SEC24D: variants seen among roughly 807,000 people sequenced by gnomAD.
SEC24D encodes the protein protein transport protein Sec24D.
SEC24D carries 69 observed loss-of-function variants against 116.9 expected under a neutral mutation model. That is an observed-to-expected ratio of 0.59 (90% CI 0.49 to 0.72). The LOEUF is 0.72. SEC24D is among the 30% of genes least tolerant of loss of function. The pLI is 0.00. For synonymous variants in SEC24D, 405 were observed against 442.8 expected (o/e 0.91, Z 1.07); for missense variants, 1,131 against 1,264.1 (o/e 0.89, Z 1.60).
In SEC24D at chr4:118,833,650, TGAGGCTGAGAATACG is replaced by T. The variant is rs1389373376; in HGVS notation, c.32_46del (p.Pro11_Pro15del). 1 of 1,614,022 alleles carries T rather than the reference TGAGGCTGAGAATACG, an allele frequency of 6.2e-7. No individual in the cohort carries two copies. Among genetic ancestry groups the T allele is most frequent in the Non-Finnish European group, 8.5e-7 (1 of 1,180,004 alleles). On this transcript the variant is annotated inframe_deletion, in exon 2 of 23. Coordinates refer to ENST00000280551, the MANE Select transcript of SEC24D (RefSeq NM_014822.4). Reference sequence around the variant, plus strand: ...AGGTGGAGAAAGGCCTATTCCAGGCTGAGGCTGAGAATACGGAGGTGTAGCCACGTAACCTTGTTG... The same window carrying T: ...AGGTGGAGAAAGGCCTATTCCAGGCTGAGGTGTAGCCACGTAACCTTGTTG...
chr4:118,793,912 CAG>C (rs955148678), intron 8 of SEC24D, among the ~76,000 whole-genome samples: 33 of 152,130 alleles, frequency 2.2e-4, no homozygotes, highest in African/African-American at 8.0e-4. Context: ...AGTCAGTATT[CAG>C]AGTCTCCAAC....
At position 118,752,901 on chromosome 4, in the gene SEC24D, A is replaced by AG; in HGVS notation, c.1422-14_1422-13insC. On this transcript the variant is annotated splice_polypyrimidine_tract_variant and intron_variant, in intron 11 of 22. Coordinates refer to ENST00000280551, the MANE Select transcript of SEC24D (RefSeq NM_014822.4). ...TTCTTGCTCTTCCCTGTAAGGAAAA[A>AG]AAAAAGTGTTTGAGATGCTTTATAA... 3.9e-6 allele frequency: 6 copies of AG among 1,540,626 alleles called. No individual in the cohort carries two copies. Among genetic ancestry groups the AG allele is most frequent in the Non-Finnish European group, 5.2e-6 (6 of 1,150,602 alleles).
chr4:118,829,354 A>C (rs768873151), intron 2 of SEC24D, among the ~76,000 whole-genome samples: 3 of 152,064 alleles, frequency 2.0e-5, no homozygotes, highest in Non-Finnish European at 2.9e-5. Flanking sequence ...CTCTACAAAA[A>C]ATTTTAAAAT....
At chr4:118,754,260 ACACT>A (rs1313280429) in intron 11 of SEC24D, 1 of 152,152 alleles carries the variant, frequency 6.6e-6, no homozygotes, top group Non-Finnish European at 1.5e-5. Context: ...CATACAACAG[ACACT>A]CACACACACC....
intron 8 of SEC24D, among the ~76,000 whole-genome samples, chr4:118,783,155 T>G (rs928837997): frequency 5.3e-5 from 8 of 152,192 alleles, no homozygotes; most frequent in Non-Finnish European, 1.5e-5. Context: ...GTACCTCAGT[T>G]GGAAATGCAG....
chr4:118,792,221 T>G (rs953369123), intron 8 of SEC24D, among the ~76,000 whole-genome samples: 4 of 146,266 alleles, frequency 2.7e-5, no homozygotes, highest in African/African-American at 1.0e-4. Context: ...GGCCGCCCCG[T>G]CTGGGAAGTA....
In SEC24D at chr4:118,745,120, G is replaced by A. The variant is rs1054502275; in HGVS notation, c.1708-60C>T. 1.4e-5 allele frequency: 13 copies of A among 902,470 alleles called. No homozygotes were observed. The African/African-American group carries it at 2.0e-4, about 14-fold the overall frequency. 55.9% of individuals were successfully genotyped at this position (902,470 alleles called of 1,614,324 possible). ...AATGCCGTGAGTAGGAACATTTTAA[G>A]AGAATCAGAAAATAAAATATAAGTT... is the stretch of plus-strand genomic sequence containing the variant. On this transcript the variant is annotated intron_variant, in intron 13 of 22. Transcript: ENST00000280551.
intron 6 of SEC24D, among the ~76,000 whole-genome samples, chr4:118,809,755 G>A (rs116205107): frequency 0.044 from 6,650 of 152,212 alleles, 201 homozygotes; most frequent in Non-Finnish European, 0.064. Flanking sequence ...ATCATGGAGT[G>A]GACATTCTTG....
intron 8 of SEC24D, among the ~76,000 whole-genome samples, chr4:118,783,012 G>A (rs192084608): frequency 3.0e-4 from 46 of 152,250 alleles, no homozygotes; most frequent in African/African-American, 9.4e-4. Context: ...AGTCTGTCAC[G>A]GCTTCCCTTG....
intron 9 of SEC24D, among the ~76,000 whole-genome samples, chr4:118,765,278 C>A (rs1446159083): frequency 6.6e-6 from 1 of 152,158 alleles, no homozygotes; most frequent in Admixed American, 6.5e-5. Flanking sequence ...TTTTAATATA[C>A]CTAACAGAAA....
intron 13 of SEC24D, among the ~76,000 whole-genome samples, chr4:118,747,256 T>C (rs1726579687): frequency 1.3e-5 from 2 of 151,840 alleles, no homozygotes; most frequent in South Asian, 4.2e-4. Context: ...ATTTATCATT[T>C]CTGTAGCTTT....
At chr4:118,777,719 T>G (rs968758395) in intron 8 of SEC24D, among the ~76,000 whole-genome samples, 3 of 152,230 alleles carry the variant, frequency 2.0e-5, no homozygotes, top group Admixed American at 2.0e-4. Flanking sequence ...TAGTTTACAC[T>G]CCCACCAACA....
intron 12 of SEC24D, among the ~76,000 whole-genome samples, chr4:118,752,461 T>C (rs1039355577): frequency 6.6e-5 from 10 of 152,124 alleles, no homozygotes; most frequent in African/African-American, 2.2e-4. Context: ...GAAGAACCAA[T>C]AGGGCTGAAT....
chr4:118,739,072 T>A, intron 18 of SEC24D, 77 bp downstream of exon 18: 1 of 1,469,594 alleles, frequency 6.8e-7, no homozygotes, highest in Non-Finnish European at 9.5e-7. Context: ...AAAACTACAG[T>A]GCTTTTTAGC....
chr4:118,797,437 T>C (rs1267744149), intron 8 of SEC24D, among the ~76,000 whole-genome samples: 1 of 152,256 alleles, frequency 6.6e-6, no homozygotes, highest in Non-Finnish European at 1.5e-5. Context: ...ATTTTCTGTA[T>C]GTGTGCATTA....
intron 2 of SEC24D, among the ~76,000 whole-genome samples, chr4:118,827,809 T>A (rs1730646551): frequency 6.6e-6 from 1 of 152,192 alleles, no homozygotes; most frequent in Non-Finnish European, 1.5e-5. Flanking sequence ...CTGATACCCT[T>A]TAACAAATCC....
intron 11 of SEC24D, among the ~76,000 whole-genome samples, chr4:118,756,952 C>T (rs537036437): frequency 1.3e-5 from 2 of 152,164 alleles, no homozygotes; most frequent in East Asian, 3.9e-4. Flanking sequence ...ACATTTTTTC[C>T]TCTTTATTTT....
At position 118,740,934 on chromosome 4, in the gene SEC24D, T is replaced by C; in HGVS notation, c.2092+7A>G. ...GAGACCCGAAGAATTGTATAAATGA[T>C]AATTACCTGTGCTGGTACGAACCCT... On this transcript the variant is annotated splice_region_variant and intron_variant, in intron 16 of 22. Coordinates refer to ENST00000280551, the MANE Select transcript of SEC24D (RefSeq NM_014822.4). The C allele has an allele frequency of 1.3e-6, 2 of 1,593,772 alleles. No individual in the cohort carries two copies. The highest frequency in any genetic ancestry group is 1.7e-6 in the Non-Finnish European group (2 of 1,166,490).
intron 14 of SEC24D, among the ~76,000 whole-genome samples, chr4:118,744,714 C>G (rs1045845291): frequency 6.6e-6 from 1 of 152,202 alleles, no homozygotes; most frequent in Non-Finnish European, 1.5e-5. Context: ...CATGAGCCAC[C>G]GCGCCCAGCC....
Sources: allele counts gnomAD v4.1 joint callset (sites outside exome capture counted in the v4.1 genomes callset), GRCh38; gene constraint gnomAD v4.1.1; transcripts MANE v1.5; gene names NCBI Gene and HGNC (gene_info 2026-07-23, HGNC 2026-07-21).